Variants in ACOX3 observed in about 807,000 individuals in gnomAD.
ACOX3 encodes the protein acyl-CoA oxidase 3, pristanoyl.
ACOX3 carries 73 observed loss-of-function variants against 81.5 expected under a neutral mutation model. The observed-to-expected ratio is 0.90, with a 90% CI of 0.74 to 1.09. The LOEUF is 1.09. Ranked by LOEUF, ACOX3 falls within the 50% of genes least tolerant of loss-of-function variation. The pLI is 0.00. For missense variants in ACOX3, 947 were observed against 928.0 expected (o/e 1.02, Z -0.27); for synonymous variants, 387 against 375.1 (o/e 1.03, Z -0.37).
chr4:8,434,011 A>G (rs1297341366), intron 1 of ACOX3, among the ~76,000 whole-genome samples: 1 of 152,052 alleles, frequency 6.6e-6, no homozygotes, highest in Non-Finnish European at 1.5e-5. Context: ...ATAAATAGCC[A>G]GACAACCTTG....
rs368408842 is a variant in ACOX3 at position 8,404,684 on chromosome 4, ATCT to A, written c.776+1268_776+1270del. Reference sequence around the variant, plus strand: ...TGAGCGCTCAGATGCCCACTGGCCCATCTTCTCCCTCTGGAGACAACCTGGTCA... The same window carrying A: ...TGAGCGCTCAGATGCCCACTGGCCCATCTCCCTCTGGAGACAACCTGGTCA... On this transcript the variant is annotated intron_variant, in intron 7 of 17. Coordinates refer to ENST00000356406, the MANE Select transcript of ACOX3 (RefSeq NM_003501.3). 1.8e-3 allele frequency among the ~76,000 whole-genome samples: 270 copies of A among 152,290 alleles called. 11 individuals are homozygous for A. The South Asian group carries it at 0.054, about 30-fold the overall frequency.
Position 8,432,818 on chromosome 4 carries a change from C to G in ACOX3, c.-15+7830G>C, listed in dbSNP as rs918195656. The stretch of plus-strand genomic sequence containing the variant: ...CAGAATGGAGGGGCTTTAAGGGTCC[C>G]AGGTGAGTGTCTCTAGTGCTGCATT... On this transcript the variant is annotated intron_variant, in intron 1 of 17. Coordinates refer to ENST00000356406, the MANE Select transcript of ACOX3 (RefSeq NM_003501.3). The surrounding 1 kb of genome is among the most constrained non-coding windows in gnomAD (Gnocchi z 6.2). Among the ~76,000 whole-genome samples, 2 of 152,228 alleles carry G rather than the reference C, an allele frequency of 1.3e-5. No homozygotes were observed. Among genetic ancestry groups the G allele is most frequent in the African/African-American group, 4.8e-5 (2 of 41,462 alleles).
At chr4:8,415,249 C>T (rs3775889) in intron 3 of ACOX3, among the ~76,000 whole-genome samples, 26,835 of 152,056 alleles carry the variant, frequency 0.18, 2,821 homozygotes, top group East Asian at 0.31. Flanking sequence ...TCCTGGGGGT[C>T]TGAGGACAGC....
intron 11 of ACOX3, among the ~76,000 whole-genome samples, chr4:8,390,102 C>CAAA (rs773204173): frequency 1.2e-3 from 102 of 83,980 alleles, no homozygotes; most frequent in African/African-American, 4.6e-3. Context: ...GACCCTGTCT[C>CAAA]AACAACAACA....
chr4:8,357,342 T>C, the ACOX3 span: 1 of 438,820 alleles, frequency 2.3e-6, no homozygotes, highest in African/African-American at 2.0e-5. Context: ...GCTTCAGTGC[T>C]GGGTGCAGGA....
intron 1 of ACOX3, among the ~76,000 whole-genome samples, chr4:8,421,777 G>A (rs771134522): frequency 6.6e-6 from 1 of 152,212 alleles, no homozygotes; most frequent in Non-Finnish European, 1.5e-5. Flanking sequence ...TACAGCTCTC[G>A]ACATGGGAAG....
At position 8,423,964 on chromosome 4, in the gene ACOX3, T is replaced by C. The variant is rs150671182; in HGVS notation, c.-14-7429A>G. Among the ~76,000 whole-genome samples, 203 of 152,318 alleles carry C rather than the reference T, an allele frequency of 1.3e-3. 6 individuals are homozygous for C. The East Asian group carries it at 0.035, about 26-fold the overall frequency. On this transcript the variant is annotated intron_variant, in intron 1 of 17. Transcript: ENST00000356406. This position sits in a 1 kb window ranked among gnomAD's most constrained non-coding sequence, Gnocchi z 4.2. ...TTTAGCCACCCATTCAGAAACCTTG[T>C]GCCATCAAGCCACCCAAGTGCTCTT... is the stretch of plus-strand genomic sequence containing the variant.
rs1723210412 is a variant in ACOX3 at position 8,423,982 on chromosome 4, G to A, written c.-14-7447C>T. On this transcript the variant is annotated intron_variant, in intron 1 of 17. Coordinates refer to ENST00000356406, the MANE Select transcript of ACOX3 (RefSeq NM_003501.3). This position sits in a 1 kb window ranked among gnomAD's most constrained non-coding sequence, Gnocchi z 4.2. The stretch of plus-strand genomic sequence containing the variant: ...AACCTTGTGCCATCAAGCCACCCAA[G>A]TGCTCTTAAACTTCATGGCCACCTG... Among the ~76,000 whole-genome samples, 1 of 152,178 alleles carries A rather than the reference G, an allele frequency of 6.6e-6. No homozygotes were observed. Among genetic ancestry groups the A allele is most frequent in the African/African-American group, 2.4e-5 (1 of 41,448 alleles).
At chr4:8,426,966 C>T (rs377130439) in intron 1 of ACOX3, among the ~76,000 whole-genome samples, 4 of 152,140 alleles carry the variant, frequency 2.6e-5, no homozygotes, top group South Asian at 2.1e-4. Context: ...GCAGTTACAG[C>T]GGTCATCGGC....
chr4:8,428,057 G>C (rs1426139669), intron 1 of ACOX3, among the ~76,000 whole-genome samples: 1 of 152,214 alleles, frequency 6.6e-6, no homozygotes. Context: ...CACTATTCTG[G>C]CAACAGCTGC....
At chr4:8,356,511 C>T in the ACOX3 span, 4 of 449,374 alleles carry the variant, frequency 8.9e-6, no homozygotes, top group Admixed American at 2.4e-5. Context: ...TGTGCCATCA[C>T]TTTAAGTGGA....
In ACOX3 at chr4:8,416,581, T is replaced by TC. The variant is rs1282850229; in HGVS notation, c.-14-47_-14-46insG. 17 of 1,511,246 alleles carry TC rather than the reference T, an allele frequency of 1.1e-5. No homozygotes were observed. The highest frequency in any genetic ancestry group is 1.3e-5 in the Non-Finnish European group (15 of 1,131,448). 93.6% of individuals were successfully genotyped at this position (1,511,246 alleles called of 1,614,324 possible). Reference sequence around the variant, plus strand: ...GAATCCATGCTCTCCCATCTATGGGTTCAAACTACCCCCACCAACAGGAGA... The same window carrying TC: ...GAATCCATGCTCTCCCATCTATGGGTCTCAAACTACCCCCACCAACAGGAGA... On this transcript the variant is annotated intron_variant, in intron 1 of 17. Transcript: ENST00000356406. This position sits in a 1 kb window ranked among gnomAD's most constrained non-coding sequence, Gnocchi z 4.2.
intron 1 of ACOX3, among the ~76,000 whole-genome samples, chr4:8,425,381 C>T (rs868789042): frequency 6.6e-6 from 1 of 151,870 alleles, no homozygotes; most frequent in Non-Finnish European, 1.5e-5. Flanking sequence ...TTCTTCCCCT[C>T]AGGATGGCTA....
intron 5 of ACOX3, among the ~76,000 whole-genome samples, chr4:8,413,722 C>T (rs908905971): frequency 6.6e-6 from 1 of 152,126 alleles, no homozygotes; most frequent in Non-Finnish European, 1.5e-5. Flanking sequence ...ACAGCACTGA[C>T]AGCCCCAGGG....
intron 1 of ACOX3, among the ~76,000 whole-genome samples, chr4:8,427,783 G>A (rs1259240481): frequency 5.9e-5 from 9 of 152,240 alleles, no homozygotes; most frequent in Admixed American, 5.2e-4. Flanking sequence ...TGCCTTGCTA[G>A]GGCCCAGTGT....
downstream of ACOX3, among the ~76,000 whole-genome samples, chr4:8,363,567 G>A (rs1715275793): frequency 1.3e-5 from 2 of 152,146 alleles, no homozygotes; most frequent in South Asian, 4.1e-4. Flanking sequence ...TCTTATAAAA[G>A]GGAGGGGAGC....
intron 1 of ACOX3, chr4:8,439,290 A>T (rs1724447663): frequency 6.6e-6 from 1 of 152,196 alleles, no homozygotes. Flanking sequence ...GCCCAGCAAC[A>T]ATTCCGAGTC....
chr4:8,410,029 C>T (rs914019568), intron 6 of ACOX3, among the ~76,000 whole-genome samples, 183 bp downstream of exon 6: 3 of 148,228 alleles, frequency 2.0e-5, no homozygotes, highest in Non-Finnish European at 4.5e-5. Context: ...GCACTGTGGG[C>T]GGGGCTGTTT....
chr4:8,392,490 G>A (rs368020110), intron 10 of ACOX3, 37 bp from the exon 11 acceptor site: 2 of 1,498,896 alleles, frequency 1.3e-6, no homozygotes, highest in African/African-American at 1.4e-5. Context: ...CAGGTGAAAA[G>A]AGACTTTAGA....
Sources: allele counts gnomAD v4.1 joint callset (sites outside exome capture counted in the v4.1 genomes callset), GRCh38; gene constraint gnomAD v4.1.1; non-coding constraint Gnocchi (gnomAD v3.1); transcripts MANE v1.5; gene names NCBI Gene and HGNC (gene_info 2026-07-23, HGNC 2026-07-21).